Variants in IL1R1 observed in about 807,000 individuals in gnomAD.
IL1R1 encodes the protein interleukin-1 receptor type 1.
Under a neutral mutation model 50.2 loss-of-function variants are expected in IL1R1, and 22 were observed. That is an observed-to-expected ratio of 0.44 (90% CI 0.31 to 0.63). The LOEUF is 0.63. Among genes scored for constraint, IL1R1 ranks in the 20% least tolerant of loss-of-function variants. IL1R1 has a pLI of 0.07. For synonymous variants in IL1R1, 251 were observed against 236.7 expected (o/e 1.06, Z -0.55); for missense variants, 509 against 676.2 (o/e 0.75, Z 2.74).
At chr2:102,138,298 A>G (rs1577932338), upstream of IL1R1, among the ~76,000 whole-genome samples, 1 of 152,338 alleles carries the variant, frequency 6.6e-6, no homozygotes, top group East Asian at 1.9e-4. Flanking sequence ...ATCTATTAAC[A>G]TGGGAAAAAC....
rs146416410 is a variant in IL1R1 at position 102,090,856 on chromosome 2, A to C, written c.-84+20323A>C. 5.0e-3 allele frequency among the ~76,000 whole-genome samples: 754 copies of C among 152,298 alleles called. 5 individuals are homozygous for C. Among genetic ancestry groups the C allele is most frequent in the African/African-American group, 0.017 (712 of 41,560 alleles). Reference sequence around the variant, plus strand: ...AGCCATATTTTCTCGTCTCTGTGGTAAATTTTTAATTTTGCCAAACAATGT... The same window carrying C: ...AGCCATATTTTCTCGTCTCTGTGGTCAATTTTTAATTTTGCCAAACAATGT... On this transcript the variant is annotated intron_variant, in intron 1 of 11. Transcript: ENST00000409929.
intron 7 of IL1R1, among the ~76,000 whole-genome samples, chr2:102,170,665 A>C (rs938786190): frequency 6.6e-6 from 1 of 152,228 alleles, no homozygotes; most frequent in Non-Finnish European, 1.5e-5. Flanking sequence ...AGTGTCCATA[A>C]AATATGTTAG....
In IL1R1 at chr2:102,177,168, A is replaced by G. The variant is rs150519748; in HGVS notation, c.*409A>G. The G allele has an allele frequency of 8.6e-4, 168 of 194,866 alleles. 2 individuals carry two copies. Among genetic ancestry groups the G allele is most frequent in the African/African-American group, 3.8e-3 (162 of 42,258 alleles). 12.1% of individuals were successfully genotyped at this position (194,866 alleles called of 1,614,324 possible). A position where few individuals can be genotyped will look rare whatever the true frequency, so the allele number is the denominator to read the frequency against. Reference sequence around the variant, plus strand: ...GTAATCCCAGCTACACCTGAGGCTGAGGCAGGAGAATTGCTTGAACCGGGG... The same window carrying G: ...GTAATCCCAGCTACACCTGAGGCTGGGGCAGGAGAATTGCTTGAACCGGGG... On this transcript the variant is annotated 3_prime_UTR_variant, in exon 12 of 12. Transcript: ENST00000410023.
intron 11 of IL1R1, chr2:102,176,103 C>T (rs1686108835): frequency 2.1e-6 from 1 of 472,576 alleles, no homozygotes; most frequent in African/African-American, 2.0e-5. Flanking sequence ...GAGAGGGTCA[C>T]TTGAGCCTAG....
intron 1 of IL1R1, among the ~76,000 whole-genome samples, chr2:102,087,803 GTTCT>G (rs34299211): frequency 0.2 from 30,838 of 151,972 alleles, 3,606 homozygotes; most frequent in East Asian, 0.52. Flanking sequence ...AAATTACTCA[GTTCT>G]TTCTTTATAG....
At chr2:102,120,394 G>A (rs369830931) in intron 1 of IL1R1, among the ~76,000 whole-genome samples, 5 of 152,028 alleles carry the variant, frequency 3.3e-5, no homozygotes, top group East Asian at 1.9e-4. Context: ...AATGTGTGTC[G>A]TGTGTGCATT....
intron 1 of IL1R1, among the ~76,000 whole-genome samples, chr2:102,114,018 A>G (rs953444012): frequency 1.4e-4 from 22 of 152,232 alleles, no homozygotes; most frequent in Admixed American, 6.5e-4. Flanking sequence ...ACACTAGTTT[A>G]TGGAAGAGCT....
upstream of IL1R1, among the ~76,000 whole-genome samples, chr2:102,103,421 T>C (rs1285019892): frequency 1.3e-5 from 2 of 152,130 alleles, no homozygotes; most frequent in East Asian, 3.9e-4. Flanking sequence ...AGTGGCAGAA[T>C]TGAGGCTGCA....
In IL1R1 at chr2:102,134,298, T is replaced by C. The variant is rs1682215074; in HGVS notation, c.-83-19643T>C. Among the ~76,000 whole-genome samples, 3 of 152,298 alleles carry C rather than the reference T, an allele frequency of 2.0e-5. No homozygotes were observed. In the South Asian group the frequency reaches 6.2e-4, roughly 32 times the overall value. ...CCTTCCTGTCTTAGGCTGCTCTCTC[T>C]GCAGTCTGTTCAGGGTCTTTCCAAA... On this transcript the variant is annotated intron_variant, in intron 1 of 10. Coordinates refer to the IL1R1 transcript ENST00000409329.
intron 1 of IL1R1, among the ~76,000 whole-genome samples, chr2:102,095,726 C>T (rs771733106): frequency 1.8e-4 from 27 of 152,114 alleles, no homozygotes; most frequent in Non-Finnish European, 2.8e-4. Flanking sequence ...ATTTTTAGGC[C>T]GGGCACGGTG....
At chr2:102,082,635 AAACAG>A (rs1679263091) in intron 1 of IL1R1, among the ~76,000 whole-genome samples, 1 of 152,192 alleles carries the variant, frequency 6.6e-6, no homozygotes, top group Non-Finnish European at 1.5e-5. Flanking sequence ...AAACAAAACA[AAACAG>A]AACAAACGCC....
intron 3 of IL1R1, among the ~76,000 whole-genome samples, chr2:102,160,632 A>C (rs947845877): frequency 6.6e-6 from 1 of 152,078 alleles, no homozygotes; most frequent in Non-Finnish European, 1.5e-5. Flanking sequence ...ACCCAAACCA[A>C]TGTTACCCCA....
In IL1R1 at chr2:102,166,250, T is replaced by C. The variant is rs1461146383; in HGVS notation, c.624T>C (p.Pro208=). ...ASYTYLGKQY[P]ITRVIEFITL... ...ACACATACTTGGGCAAGCAATATCC[T>C]ATTACCCGGGTAATAGAATTTATTA... is the stretch of plus-strand genomic sequence containing the variant. The change falls in exon 6 of 12, where the codon CCT becomes CCC. Residue 208 remains proline, a synonymous_variant. Coordinates refer to ENST00000410023, the MANE Select transcript of IL1R1 (RefSeq NM_000877.4). 6.2e-7 allele frequency: 1 copy of C among 1,613,558 alleles called. No individual in the cohort carries two copies. Among genetic ancestry groups the C allele is most frequent in the East Asian group, 2.2e-5 (1 of 44,852 alleles).
chr2:102,175,123 A>G (rs1277554966), intron 10 of IL1R1, among the ~76,000 whole-genome samples: 2 of 124,770 alleles, frequency 1.6e-5, no homozygotes, highest in African/African-American at 1.0e-4. Flanking sequence ...AACTTTGCGA[A>G]AAAAAAAAAA....
chr2:102,079,063 AAC>A (rs1166222927), intron 1 of IL1R1, among the ~76,000 whole-genome samples: 1 of 152,116 alleles, frequency 6.6e-6, no homozygotes, highest in Non-Finnish European at 1.5e-5. Context: ...AAACAACAAC[AAC>A]AACAACAACA....
At chr2:102,159,075 C>T (rs549781740) in intron 3 of IL1R1, among the ~76,000 whole-genome samples, 26 of 152,162 alleles carry the variant, frequency 1.7e-4, no homozygotes, top group South Asian at 1.5e-3. Flanking sequence ...GGTGAAATTG[C>T]CATTGATGAG....
At chr2:102,072,458 C>T (rs1198281304) in intron 1 of IL1R1, among the ~76,000 whole-genome samples, 1 of 152,116 alleles carries the variant, frequency 6.6e-6, no homozygotes, top group Non-Finnish European at 1.5e-5. Flanking sequence ...TTTCTTATAC[C>T]TCACTTACTG....
At chr2:102,109,183 G>A (rs1287754063) in intron 1 of IL1R1, among the ~76,000 whole-genome samples, 1 of 152,040 alleles carries the variant, frequency 6.6e-6, no homozygotes, top group Non-Finnish European at 1.5e-5. Context: ...GGAGCCTGTG[G>A]GTCAGTGAGG....
At chr2:102,096,130 G>A (rs1679894047) in intron 1 of IL1R1, among the ~76,000 whole-genome samples, 1 of 152,088 alleles carries the variant, frequency 6.6e-6, no homozygotes. Context: ...GTCCTATTCA[G>A]CGTGTAAATA....
Sources: gnomAD v4.1 joint callset for allele counts (sites outside exome capture counted in the v4.1 genomes callset) on GRCh38, gnomAD v4.1.1 for gene constraint, MANE v1.5 for transcripts, NCBI Gene and HGNC (gene_info 2026-07-23, HGNC 2026-07-21) for gene names.